Variants in JAK1 observed in about 807,000 individuals in gnomAD.
JAK1 encodes Janus kinase 1.
A neutral mutation model predicts 136.6 loss-of-function variants in JAK1; 16 were observed. The ratio of observed to expected loss-of-function variants is 0.12; its 90% CI spans 0.08 to 0.18. The LOEUF is 0.18. Ranked by LOEUF, JAK1 falls within the 10% of genes least tolerant of loss-of-function variation. The pLI, the probability that JAK1 is intolerant of heterozygous loss-of-function variation, is 1.00. For missense variants in JAK1, 859 were observed against 1,450.1 expected (o/e 0.59, Z 6.62); for synonymous variants, 492 against 519.5 (o/e 0.95, Z 0.72).
chr1:64,881,518 A>G, intron 3 of JAK1, among the ~76,000 whole-genome samples: 1 of 152,172 alleles, frequency 6.6e-6, no homozygotes, highest in East Asian at 1.9e-4. Context: ...AAAGAAAACA[A>G]TACTGCCCTC....
chr1:64,924,808 A>T lies in JAK1; in HGVS notation c.-77-38467T>A, dbSNP rs557662278. On this transcript the variant is annotated intron_variant, in intron 1 of 24. Coordinates refer to ENST00000342505, the MANE Select transcript of JAK1 (RefSeq NM_002227.4). ...CTATTTTTCCAACCCCATAATGATG[A>T]TCTAAAACCAGGACAGCAAATACAC... is the stretch of plus-strand genomic sequence containing the variant. 1.8e-3 allele frequency among the ~76,000 whole-genome samples: 277 copies of T among 152,294 alleles called. 3 individuals are homozygous for T. In the South Asian group the frequency reaches 0.025, roughly 14 times the overall value.
At chr1:64,840,306 G>A (rs1159239140) in intron 19 of JAK1, among the ~76,000 whole-genome samples, 1 of 152,174 alleles carries the variant, frequency 6.6e-6, no homozygotes, top group Non-Finnish European at 1.5e-5. Context: ...GGGGACGGTG[G>A]GGGGAACTAA....
At chr1:64,934,238 C>A (rs1645748282) in intron 1 of JAK1, among the ~76,000 whole-genome samples, 1 of 152,214 alleles carries the variant, frequency 6.6e-6, no homozygotes, top group African/African-American at 2.4e-5. Context: ...TGACCTCCGG[C>A]TCCAGTCCTG....
At chr1:64,969,897 A>AGTTCAGGAGTTCAAAATGG, upstream of JAK1, among the ~76,000 whole-genome samples, 1 of 152,250 alleles carries the variant, frequency 6.6e-6, no homozygotes, top group East Asian at 1.9e-4. Flanking sequence ...GCATTTTGGG[A>AGTTCAGGAGTTCAAAATGG]GTTCAGGAGT....
Position 65,019,923 on chromosome 1 carries a change from A to G in JAK1, c.-78+24557T>C, listed in dbSNP as rs534684843. ...AGAGCGAGACTCTGTCTCAAAAAAA[A>G]AAGAAGAAGAAGAAGAAGAAGGCAG... is the stretch of plus-strand genomic sequence containing the variant. On this transcript the variant is annotated intron_variant, in intron 2 of 25. Transcript: ENST00000671954. 4.2e-4 allele frequency among the ~76,000 whole-genome samples: 62 copies of G among 149,390 alleles called. 1 individual carries two copies. The highest frequency in any genetic ancestry group is 9.9e-4 in the East Asian group (5 of 5,028).
intron 1 of JAK1, chr1:65,067,542 C>T (rs1390765312): frequency 6.9e-6 from 1 of 145,226 alleles, no homozygotes; most frequent in African/African-American, 2.5e-5. Flanking sequence ...GCCCGCCTCC[C>T]GCGGGCGCTC....
At chr1:64,869,563 G>T in intron 5 of JAK1, 89 bp from the exon 6 acceptor site, 1 of 977,856 alleles carries the variant, frequency 1.0e-6, no homozygotes, top group Non-Finnish European at 1.6e-6. Context: ...GCCTAGAAAC[G>T]CAGCACAGCA....
At chr1:64,971,129 AAAATTGG>A (rs2100670993), upstream of JAK1, among the ~76,000 whole-genome samples, 1 of 152,358 alleles carries the variant, frequency 6.6e-6, no homozygotes, top group Non-Finnish European at 1.5e-5. Context: ...TTTGTTTCCA[AAAATTGG>A]AATCTGGAGA....
Position 64,873,453 on chromosome 1 carries a change from G to T in JAK1, c.400C>A (p.Gln134Lys), listed in dbSNP as rs767260882. The change falls in exon 5 of 25, where the codon CAG (glutamine) becomes AAG (lysine). Residue 134 changes from glutamine to lysine, a missense_variant. Physicochemically the swap from Gln to Lys is moderately conservative, Grantham distance 53. Coordinates refer to ENST00000342505, the MANE Select transcript of JAK1 (RefSeq NM_002227.4). ...TTTTTTTTCTCGTAGCCATTTTTCTGCTTCTTTGGAGAATGACGCCACACT... is the reference window on the plus strand; with the variant it reads ...TTTTTTTTCTCGTAGCCATTTTTCTTCTTCTTTGGAGAATGACGCCACACT... ...QSVWRHSPKK[Q>K]KNGYEKKKIP... The T allele has an allele frequency of 1.2e-6, 2 of 1,614,122 alleles. No individual in the cohort carries two copies. The highest frequency in any genetic ancestry group is 1.7e-6 in the Non-Finnish European group (2 of 1,180,014).
At chr1:65,009,401 G>A (rs1646831011) in intron 2 of JAK1, among the ~76,000 whole-genome samples, 1 of 151,960 alleles carries the variant, frequency 6.6e-6, no homozygotes, top group African/African-American at 2.4e-5. Flanking sequence ...TGGGGGTGGA[G>A]GTAAAGAGTG....
chr1:64,861,045 G>A (rs1173170136), intron 8 of JAK1, among the ~76,000 whole-genome samples: 1 of 151,640 alleles, frequency 6.6e-6, no homozygotes, highest in Non-Finnish European at 1.5e-5. Context: ...CTGTCCCCTG[G>A]GTCCAGATGG....
chr1:64,916,161 T>C (rs1645392411), intron 1 of JAK1, among the ~76,000 whole-genome samples: 1 of 152,196 alleles, frequency 6.6e-6, no homozygotes, highest in Non-Finnish European at 1.5e-5. Flanking sequence ...GGAAAGCCTC[T>C]AATGCAGACA....
chr1:65,048,180 G>C (rs1204846460), intron 1 of JAK1, among the ~76,000 whole-genome samples: 1 of 147,622 alleles, frequency 6.8e-6, no homozygotes, highest in African/African-American at 2.5e-5. Context: ...ATGCTGATAA[G>C]AATCTGTGGA....
chr1:65,010,380 G>T (rs1022947707), intron 2 of JAK1, among the ~76,000 whole-genome samples: 1 of 151,942 alleles, frequency 6.6e-6, no homozygotes, highest in African/African-American at 2.4e-5. Context: ...AGGGAAACCG[G>T]CTGCCACATC....
Position 65,062,651 on chromosome 1 carries a change from C to T in JAK1, c.-181+4953G>A, listed in dbSNP as rs546261049. 2.0e-5 allele frequency among the ~76,000 whole-genome samples: 3 copies of T among 152,326 alleles called. No individual in the cohort carries two copies. The South Asian group carries it at 6.2e-4, about 32-fold the overall frequency. On this transcript the variant is annotated intron_variant, in intron 1 of 25. Transcript: ENST00000671954. ...CATTTCTACTAACTAGTAACACATG[C>T]CACAGTGGCACTGCACTCATTAAGT...
intron 1 of JAK1, among the ~76,000 whole-genome samples, chr1:64,951,338 C>G (rs1646083285): frequency 1.3e-5 from 2 of 152,160 alleles, no homozygotes; most frequent in Admixed American, 1.3e-4. Flanking sequence ...GTTGCCTGAT[C>G]CTTCCTTACT....
chr1:65,041,417 T>C (rs1647131457), intron 2 of JAK1, among the ~76,000 whole-genome samples: 1 of 152,166 alleles, frequency 6.6e-6, no homozygotes, highest in Non-Finnish European at 1.5e-5. Context: ...AAAGAGCCAG[T>C]ACCCCGTAAG....
At chr1:64,942,601 A>G (rs555096823) in intron 1 of JAK1, among the ~76,000 whole-genome samples, 1 of 152,346 alleles carries the variant, frequency 6.6e-6, no homozygotes, top group East Asian at 1.9e-4. Context: ...TGGCATCCCT[A>G]TGTTAGTTCA....
At chr1:65,064,484 A>C (rs567366146) in intron 1 of JAK1, among the ~76,000 whole-genome samples, 2 of 152,330 alleles carry the variant, frequency 1.3e-5, no homozygotes, top group South Asian at 4.1e-4. Flanking sequence ...TCAACACTTC[A>C]GTGATTATCG....
Sources: gnomAD v4.1 joint callset for allele counts (sites outside exome capture counted in the v4.1 genomes callset) on GRCh38, gnomAD v4.1.1 for gene constraint, MANE v1.5 for transcripts, NCBI Gene and HGNC (gene_info 2026-07-23, HGNC 2026-07-21) for gene names.